EPHA4: variants seen among roughly 807,000 people sequenced by gnomAD.
EPHA4 encodes the protein EPH receptor A4, also known as ephrin type-A receptor 4.
Under a neutral mutation model 108.3 loss-of-function variants are expected in EPHA4, and 19 were observed. The ratio of observed to expected loss-of-function variants is 0.18; its 90% CI spans 0.12 to 0.26. The LOEUF (loss-of-function observed/expected upper bound fraction) is 0.26, where lower values mean the gene tolerates loss of function less well. EPHA4 is among the 10% of genes least tolerant of loss of function. EPHA4 has a pLI of 1.00. For synonymous variants in EPHA4, 449 were observed against 455.5 expected, an observed-to-expected ratio of 0.99 and a Z score of 0.18; for missense variants, 917 against 1,254.0, an observed-to-expected ratio of 0.73 and a Z score of 4.06.
In EPHA4 at chr2:221,418,423, T is replaced by C. The variant is rs1559230284; in HGVS notation, c.*2949A>G. 6.6e-6 allele frequency: 1 copy of C among 152,634 alleles called. No homozygotes were observed. Among genetic ancestry groups the C allele is most frequent in the Non-Finnish European group, 1.5e-5 (1 of 68,034 alleles). The allele number at this position is 152,634 out of a possible 1,614,324, so 9.5% of individuals were successfully genotyped here. A position where few individuals can be genotyped will look rare whatever the true frequency, so the allele number is the denominator to read the frequency against. On this transcript the variant is annotated 3_prime_UTR_variant, in exon 18 of 18. Transcript: ENST00000281821. ...ATGCTTGATGTTGTTTGGAGAATGT[T>C]AAATAAGTGAAAATATTGCTTCTAG...
intron 3 of EPHA4, among the ~76,000 whole-genome samples, chr2:221,519,707 C>T (rs1693100479): frequency 6.6e-6 from 1 of 152,190 alleles, no homozygotes; most frequent in Non-Finnish European, 1.5e-5. Context: ...AATGTTTCTG[C>T]CTCTGCCACT....
intron 3 of EPHA4, among the ~76,000 whole-genome samples, chr2:221,504,204 C>A (rs1199233345): frequency 6.6e-6 from 1 of 152,132 alleles, no homozygotes; most frequent in Admixed American, 6.5e-5. Flanking sequence ...GTTAATGAAC[C>A]ATCTGAATGG....
At chr2:221,543,727 T>C (rs1271825247) in intron 3 of EPHA4, among the ~76,000 whole-genome samples, 2 of 152,206 alleles carry the variant, frequency 1.3e-5, no homozygotes, top group East Asian at 1.9e-4. Context: ...GATTGATAGA[T>C]ATAATATGAT....
intron 3 of EPHA4, among the ~76,000 whole-genome samples, chr2:221,539,672 G>A (rs1693775292): frequency 6.6e-6 from 1 of 152,168 alleles, no homozygotes; most frequent in African/African-American, 2.4e-5. Context: ...CAGGGCCCCA[G>A]TAACGCGGAG....
At chr2:221,544,612 G>A (rs1052994131) in intron 3 of EPHA4, among the ~76,000 whole-genome samples, 2 of 152,116 alleles carry the variant, frequency 1.3e-5, no homozygotes, top group Non-Finnish European at 2.9e-5. Flanking sequence ...AGGCCACCAC[G>A]CTACAGGCTA....
intron 3 of EPHA4, among the ~76,000 whole-genome samples, chr2:221,520,702 TC>T (rs1407374980): frequency 6.6e-6 from 1 of 152,124 alleles, no homozygotes; most frequent in East Asian, 1.9e-4. Flanking sequence ...TACTTTCTCT[TC>T]CCCCACATCC....
intron 3 of EPHA4, among the ~76,000 whole-genome samples, chr2:221,548,035 A>G (rs1476487477): frequency 2.6e-5 from 4 of 152,178 alleles, no homozygotes; most frequent in Admixed American, 6.5e-5. Context: ...TCTCCCCTCC[A>G]AATCTCATGT....
At chr2:221,560,046 G>T (rs540478134) in intron 3 of EPHA4, among the ~76,000 whole-genome samples, 1 of 152,270 alleles carries the variant, frequency 6.6e-6, no homozygotes, top group East Asian at 1.9e-4. Flanking sequence ...TGTCCCCAAG[G>T]TCCTTTGACG....
intron 8 of EPHA4, among the ~76,000 whole-genome samples, chr2:221,448,971 G>T (rs1246203819): frequency 6.6e-6 from 1 of 152,160 alleles, no homozygotes; most frequent in Non-Finnish European, 1.5e-5. Context: ...AATGACAGGG[G>T]TCATTAATTA....
At chr2:221,435,396 C>G (rs3770197) in intron 13 of EPHA4, among the ~76,000 whole-genome samples, 110 of 141,402 alleles carry the variant, frequency 7.8e-4, no homozygotes, top group Non-Finnish European at 1.3e-3. Context: ...CTTTTCTAAA[C>G]GAATGGACTT....
At chr2:221,423,940 A>AC (rs1258860264) in intron 17 of EPHA4, among the ~76,000 whole-genome samples, 1 of 151,622 alleles carries the variant, frequency 6.6e-6, no homozygotes, top group African/African-American at 2.4e-5. Context: ...ACATGGTGAA[A>AC]CCCCGTCTCC....
intron 3 of EPHA4, among the ~76,000 whole-genome samples, chr2:221,525,250 C>T (rs1693287821): frequency 6.6e-6 from 1 of 152,164 alleles, no homozygotes; most frequent in Non-Finnish European, 1.5e-5. Context: ...CATCACGCTG[C>T]GTGGAACTCC....
chr2:221,490,081 G>T (rs1574606396), intron 4 of EPHA4, among the ~76,000 whole-genome samples: 2 of 150,584 alleles, frequency 1.3e-5, no homozygotes, highest in African/African-American at 4.9e-5. Context: ...GGCAGGTGGA[G>T]GTTGCAATAA....
At chr2:221,481,352 T>G (rs1574599321) in intron 5 of EPHA4, among the ~76,000 whole-genome samples, 1 of 48,252 alleles carries the variant, frequency 2.1e-5, no homozygotes, top group East Asian at 4.9e-4. Context: ...AGCCCCCACG[T>G]CAATCAAGAA....
chr2:221,560,438 A>C (rs1694428561), intron 3 of EPHA4, among the ~76,000 whole-genome samples: 1 of 152,228 alleles, frequency 6.6e-6, no homozygotes, highest in African/African-American at 2.4e-5. Context: ...AAAATGACAT[A>C]CTCCATATAA....
chr2:221,548,733 CTA>C (rs1327494154), intron 3 of EPHA4, among the ~76,000 whole-genome samples: 1 of 152,038 alleles, frequency 6.6e-6, no homozygotes, highest in African/African-American at 2.4e-5. Flanking sequence ...TCCATCTTTT[CTA>C]TGTTACAAGA....
chr2:221,568,595 T>C (rs866137210), intron 2 of EPHA4, 123 bp downstream of exon 2: 2 of 680,774 alleles, frequency 2.9e-6, no homozygotes, highest in South Asian at 2.2e-5. Flanking sequence ...ATTCACTTCA[T>C]AGGCCACAGC....
At chr2:221,461,566 T>C (rs563901239) in intron 5 of EPHA4, among the ~76,000 whole-genome samples, 6 of 152,134 alleles carry the variant, frequency 3.9e-5, no homozygotes, top group Admixed American at 6.5e-5. Flanking sequence ...TGAAATCTCA[T>C]AGAGACAAGG....
At position 221,555,110 on chromosome 2, in the gene EPHA4, G is replaced by A. The variant is rs193187082; in HGVS notation, c.823+8621C>T. On this transcript the variant is annotated intron_variant, in intron 3 of 17. Transcript: ENST00000281821. ...AAGGTCAAAATGAAATGAGCAGCAGGGACTTGGGTTATTTTGCATGGGGCA... is the reference window on the plus strand; with the variant it reads ...AAGGTCAAAATGAAATGAGCAGCAGAGACTTGGGTTATTTTGCATGGGGCA... Among the ~76,000 whole-genome samples the A allele has an allele frequency of 1.6e-3, 250 of 152,278 alleles. 2 individuals are homozygous for A. The highest frequency in any genetic ancestry group is 5.8e-3 in the African/African-American group (240 of 41,536).
Sources: gnomAD v4.1 joint callset for allele counts (sites outside exome capture counted in the v4.1 genomes callset) on GRCh38, gnomAD v4.1.1 for gene constraint, MANE v1.5 for transcripts, NCBI Gene and HGNC (gene_info 2026-07-23, HGNC 2026-07-21) for gene names.